ROCK1: variants seen among roughly 807,000 people sequenced by gnomAD.
ROCK1 encodes the protein Rho associated coiled-coil containing protein kinase 1, also known as rho-associated protein kinase 1.
ROCK1 carries 36 observed loss-of-function variants against 196.8 expected under a neutral mutation model. The observed-to-expected ratio is 0.18, with a 90% CI of 0.14 to 0.24. The LOEUF (loss-of-function observed/expected upper bound fraction) is 0.24, where lower values mean the gene tolerates loss of function less well. ROCK1 is among the 10% of genes least tolerant of loss of function. The pLI is 1.00. For synonymous variants in ROCK1, 443 were observed against 515.9 expected (o/e 0.86, Z 1.91); for missense variants, 920 against 1,562.0 (o/e 0.59, Z 6.93).
intron 19 of ROCK1, among the ~76,000 whole-genome samples, 192 bp from the exon 20 acceptor site, chr18:20,984,727 A>C (rs1183823510): frequency 6.6e-6 from 1 of 152,180 alleles, no homozygotes; most frequent in Non-Finnish European, 1.5e-5. Context: ...TTAATTCCCA[A>C]ATTTCAGACA....
intron 9 of ROCK1, among the ~76,000 whole-genome samples, chr18:21,029,988 C>T (rs1360385372): frequency 1.3e-5 from 2 of 151,992 alleles, no homozygotes; most frequent in Admixed American, 6.6e-5. Context: ...GCAAGAAATA[C>T]CTATTCTTGT....
In ROCK1 at chr18:21,111,084, G is replaced by C; in HGVS notation, c.-174C>G. 1 of 605,742 alleles carries C rather than the reference G, an allele frequency of 1.7e-6. No homozygotes were observed. 37.5% of individuals were successfully genotyped at this position (605,742 alleles called of 1,614,324 possible). A position where few individuals can be genotyped will look rare whatever the true frequency, so the allele number is the denominator to read the frequency against. On this transcript the variant is annotated 5_prime_UTR_variant, in exon 1 of 33. Transcript: ENST00000399799. The surrounding 1 kb of genome is among the most constrained non-coding windows in gnomAD (Gnocchi z 4.2). ...TCACTGAGGGGACCTCCGCTCTCCA[G>C]ACCCCGGGCCGGGGGCAACAGCGAC...
chr18:21,020,151 C>A lies in ROCK1; in HGVS notation c.1361G>T (p.Arg454Ile). 1 of 1,574,610 alleles carries A rather than the reference C, an allele frequency of 6.4e-7. No individual in the cohort carries two copies. ...QLKDEMEQKC[R>I]TSNIKLDKIM... ...TGAAAAACTTAAAGTATATTCTCAC[C>A]TGCACTTCTGCTCCATTTCATCTTT... Residue 454 changes from arginine to isoleucine, a missense_variant and splice_region_variant, in exon 12 of 33, where the codon AGA becomes ATA. By Grantham distance (97) the Arg-to-Ile change is moderately conservative (BLOSUM62 -3). Coordinates refer to ENST00000399799, the MANE Select transcript of ROCK1 (RefSeq NM_005406.3).
intron 9 of ROCK1, among the ~76,000 whole-genome samples, chr18:21,029,580 T>C (rs1225307069): frequency 1.3e-5 from 2 of 151,994 alleles, no homozygotes; most frequent in East Asian, 3.8e-4. Context: ...ATTTATGATA[T>C]CATTGTTAAT....
At chr18:20,977,269 A>G (rs2035489296) in intron 22 of ROCK1, among the ~76,000 whole-genome samples, 1 of 152,184 alleles carries the variant, frequency 6.6e-6, no homozygotes, top group Non-Finnish European at 1.5e-5. Flanking sequence ...GAAGAAACAA[A>G]AGTCCCCACT....
intron 10 of ROCK1, among the ~76,000 whole-genome samples, chr18:21,024,182 G>A (rs2143470007): frequency 6.6e-6 from 1 of 152,222 alleles, no homozygotes; most frequent in Non-Finnish European, 1.5e-5. Context: ...GCCTCTTCGG[G>A]TCAAAAAAGT....
At chr18:21,088,468 C>A (rs2036544671) in intron 1 of ROCK1, among the ~76,000 whole-genome samples, 1 of 152,186 alleles carries the variant, frequency 6.6e-6, no homozygotes, top group South Asian at 2.1e-4. Flanking sequence ...TCACTGCACT[C>A]CAGTCTGGGT....
chr18:20,959,086 T>A lies in ROCK1; in HGVS notation c.3512+754A>T, dbSNP rs868588202. Among the ~76,000 whole-genome samples the A allele has an allele frequency of 4.4e-3, 132 of 29,756 alleles. 3 individuals are homozygous for A. In the South Asian group the frequency reaches 0.06, roughly 13 times the overall value. The allele number at this position is 29,756 out of a possible 152,430, so 19.5% of individuals were successfully genotyped here. ...ATTTTATATTATATAATATATATAT[T>A]TTATATAATATATATATTATATATA... On this transcript the variant is annotated intron_variant, in intron 29 of 32. Coordinates refer to ENST00000399799, the MANE Select transcript of ROCK1 (RefSeq NM_005406.3).
intron 19 of ROCK1, 50 bp from the exon 20 acceptor site, chr18:20,984,585 T>A: frequency 7.2e-7 from 1 of 1,390,182 alleles, no homozygotes; most frequent in Non-Finnish European, 9.8e-7. Context: ...AATAATTTAT[T>A]AGACATTATT....
chr18:20,992,152 T>A (rs1383974239), intron 17 of ROCK1, among the ~76,000 whole-genome samples: 1 of 152,232 alleles, frequency 6.6e-6, no homozygotes, highest in African/African-American at 2.4e-5. Flanking sequence ...AAGCTTCTTT[T>A]ATCCTATGTC....
At chr18:20,968,718 G>A (rs2035397929) in intron 25 of ROCK1, 54 bp downstream of exon 25, 3 of 1,038,982 alleles carry the variant, frequency 2.9e-6, no homozygotes, top group Admixed American at 1.8e-5. Flanking sequence ...AGTGCATAAA[G>A]AGCAATGATT....
chr18:20,974,312 GA>G (rs2035459234), intron 22 of ROCK1, among the ~76,000 whole-genome samples: 1 of 152,140 alleles, frequency 6.6e-6, no homozygotes, highest in African/African-American at 2.4e-5. Context: ...AGTACTTTAG[GA>G]AAAGAAAGGA....
intron 29 of ROCK1, among the ~76,000 whole-genome samples, chr18:20,958,517 A>C (rs1320312328): frequency 6.6e-6 from 1 of 151,990 alleles, no homozygotes; most frequent in East Asian, 1.9e-4. Context: ...AAGATTTTAG[A>C]ATGAATATAA....
In ROCK1 at chr18:20,953,073, G is replaced by GT. The variant is rs894717098; in HGVS notation, c.4061+504dup. On this transcript the variant is annotated intron_variant, in intron 32 of 32. Coordinates refer to ENST00000399799, the MANE Select transcript of ROCK1 (RefSeq NM_005406.3). The stretch of plus-strand genomic sequence containing the variant: ...ACCACCATGGCACGTGTATACCCAT[G>GT]TAACAAACCTGCATGTTCTGCACAT... Among the ~76,000 whole-genome samples the GT allele has an allele frequency of 7.1e-4, 108 of 152,214 alleles. 1 individual carries two copies. Among genetic ancestry groups the GT allele is most frequent in the African/African-American group, 2.4e-3 (99 of 41,536 alleles).
intron 2 of ROCK1, among the ~76,000 whole-genome samples, chr18:21,053,767 T>C (rs1284596870): frequency 6.6e-6 from 1 of 152,068 alleles, no homozygotes; most frequent in Non-Finnish European, 1.5e-5. Flanking sequence ...AGCCTAGGAG[T>C]TCAAGGCTGC....
At chr18:21,031,699 A>C (rs1216696939) in intron 9 of ROCK1, among the ~76,000 whole-genome samples, 1 of 151,940 alleles carries the variant, frequency 6.6e-6, no homozygotes, top group Non-Finnish European at 1.5e-5. Flanking sequence ...AACTCTCTTA[A>C]ATGTGTTCAA....
At chr18:21,090,224 G>A (rs2036558751) in intron 1 of ROCK1, among the ~76,000 whole-genome samples, 2 of 152,180 alleles carry the variant, frequency 1.3e-5, no homozygotes, top group African/African-American at 4.8e-5. Flanking sequence ...AACACTTTGG[G>A]AGGCCAAGGC....
chr18:21,083,979 T>C (rs2036504463), intron 1 of ROCK1, among the ~76,000 whole-genome samples: 2 of 152,136 alleles, frequency 1.3e-5, no homozygotes, highest in African/African-American at 4.8e-5. Flanking sequence ...AACCCACACA[T>C]ACATATGGTC....
Position 20,992,813 on chromosome 18 carries a change from A to T in ROCK1, c.1992+18T>A. 2 of 1,360,896 alleles carry T rather than the reference A, an allele frequency of 1.5e-6. No homozygotes were observed. The highest frequency in any genetic ancestry group is 1.0e-6 in the Non-Finnish European group (1 of 954,318). The allele number at this position is 1,360,896 out of a possible 1,614,324, so 84.3% of individuals were successfully genotyped here. ...TAATTACTATTTTATAATAATTGGT[A>T]TATGTTAAATCATTTACCTTTTCTG... On this transcript the variant is annotated intron_variant, in intron 17 of 32. Coordinates refer to ENST00000399799, the MANE Select transcript of ROCK1 (RefSeq NM_005406.3).
Sources: gnomAD v4.1 joint callset for allele counts (sites outside exome capture counted in the v4.1 genomes callset) on GRCh38, gnomAD v4.1.1 for gene constraint, Gnocchi (gnomAD v3.1) non-coding constraint, MANE v1.5 for transcripts, NCBI Gene and HGNC (gene_info 2026-07-23, HGNC 2026-07-21) for gene names.